Variants in RBM26 observed in about 807,000 individuals in gnomAD.
RBM26 encodes RNA binding motif protein 26.
In RBM26, 30 loss-of-function variants were observed where a neutral mutation model predicts 123.6. The observed-to-expected ratio is 0.24, with a 90% CI of 0.18 to 0.33. The LOEUF is 0.33. RBM26 is among the 10% of genes least tolerant of loss of function. RBM26 has a pLI of 1.00. For missense variants in RBM26, 947 were observed against 1,203.6 expected (o/e 0.79, Z 3.15); for synonymous variants, 400 against 404.4 (o/e 0.99, Z 0.13).
At chr13:79,322,493 A>C in intron 20 of RBM26, 31 bp from the exon 21 acceptor site, 1 of 1,430,504 alleles carries the variant, frequency 7.0e-7, no homozygotes, top group Non-Finnish European at 9.4e-7. Context: ...GGAATATAAG[A>C]CATTAAAAAT....
chr13:79,336,958 A>T, intron 19 of RBM26, 144 bp downstream of exon 19: 2 of 776,520 alleles, frequency 2.6e-6, no homozygotes, highest in South Asian at 1.9e-5. Context: ...TTTTTAAATT[A>T]ACAAAAAAAT....
intron 1 of RBM26, among the ~76,000 whole-genome samples, chr13:79,393,595 G>A (rs949997425): frequency 2.6e-5 from 4 of 152,082 alleles, no homozygotes; most frequent in South Asian, 4.2e-4. Flanking sequence ...TACCATCTTC[G>A]GCTGGAGACA....
intron 1 of RBM26, among the ~76,000 whole-genome samples, chr13:79,383,784 G>A (rs2077257699): frequency 6.6e-6 from 1 of 152,124 alleles, no homozygotes; most frequent in South Asian, 2.1e-4. Flanking sequence ...TGTAAAGGAG[G>A]AGAAAGGAAG....
chr13:79,373,375 T>A (rs2076221875), intron 3 of RBM26, among the ~76,000 whole-genome samples: 1 of 102,428 alleles, frequency 9.8e-6, no homozygotes, highest in South Asian at 2.5e-4. Context: ...ATATAATATA[T>A]ATTATATATA....
chr13:79,375,868 C>T (rs1487406060), intron 3 of RBM26, among the ~76,000 whole-genome samples: 1 of 151,714 alleles, frequency 6.6e-6, no homozygotes, highest in Non-Finnish European at 1.5e-5. Context: ...AAAAAGGTCA[C>T]AACATCAACA....
intron 13 of RBM26, 47 bp from the exon 14 acceptor site, chr13:79,353,271 A>G (rs1384240236): frequency 8.9e-7 from 1 of 1,124,510 alleles, no homozygotes; most frequent in Non-Finnish European, 1.3e-6. Context: ...CAAACATATA[A>G]AAGTCTGTTG....
intron 1 of RBM26, among the ~76,000 whole-genome samples, chr13:79,396,870 G>A (rs2078613579): frequency 6.6e-6 from 1 of 152,176 alleles, no homozygotes; most frequent in Admixed American, 6.5e-5. Flanking sequence ...AAATCTGTAT[G>A]ATCGTCTCAA....
chr13:79,375,475 T>C (rs535546628), intron 3 of RBM26, among the ~76,000 whole-genome samples: 97 of 152,088 alleles, frequency 6.4e-4, no homozygotes, highest in African/African-American at 2.3e-3. Context: ...CCAGCCAAAG[T>C]ATAATTTTTC....
rs866561002 is a variant in RBM26, at chr13:79,383,208, C to A, written c.72-4301G>T. 2.0e-5 allele frequency among the ~76,000 whole-genome samples: 3 copies of A among 151,980 alleles called. No homozygotes were observed. In the South Asian group the frequency reaches 6.2e-4, roughly 31 times the overall value. On this transcript the variant is annotated intron_variant, in intron 1 of 21. Coordinates refer to ENST00000438737, the MANE Select transcript of RBM26 (RefSeq NM_001366735.2). ...CAGCTCTTGGCAAATAAGCACTGGACTGGATAGTAAATCCCACACAAGTAT... is the reference window on the plus strand; with the variant it reads ...CAGCTCTTGGCAAATAAGCACTGGAATGGATAGTAAATCCCACACAAGTAT...
intron 14 of RBM26, among the ~76,000 whole-genome samples, chr13:79,348,741 T>C (rs996197358): frequency 6.6e-5 from 10 of 152,174 alleles, no homozygotes; most frequent in East Asian, 1.9e-4. Context: ...TTTATGATAT[T>C]CACTTAAAGC....
chr13:79,347,083 C>A (rs1379237855), intron 14 of RBM26, among the ~76,000 whole-genome samples: 1 of 152,200 alleles, frequency 6.6e-6, no homozygotes, highest in African/African-American at 2.4e-5. Context: ...CTTTTCAAAT[C>A]ATTTTTGACA....
intron 1 of RBM26, among the ~76,000 whole-genome samples, chr13:79,390,641 T>C (rs1465772760): frequency 6.6e-6 from 1 of 152,198 alleles, no homozygotes; most frequent in Admixed American, 6.5e-5. Flanking sequence ...ATGCATGCTT[T>C]AGGGGTAAGT....
chr13:79,320,585 A>G lies in RBM26; in HGVS notation c.*36T>C, dbSNP rs946484250. On this transcript the variant is annotated 3_prime_UTR_variant, in exon 22 of 22. Transcript: ENST00000438737. ...TAGATAATACTAATGAAACACAGGT[A>G]GAGTTCTAGCATATGCAGATCAATG... The G allele has an allele frequency of 7.2e-6, 11 of 1,521,538 alleles. No homozygotes were observed. The highest frequency in any genetic ancestry group is 4.2e-5 in the African/African-American group (3 of 70,794). The allele number at this position is 1,521,538 out of a possible 1,614,324, so 94.3% of individuals were successfully genotyped here.
rs951572414 is a variant in RBM26, at chr13:79,367,010, A to T, written c.896-138T>A. 55 of 669,972 alleles carry T rather than the reference A, an allele frequency of 8.2e-5. No individual in the cohort carries two copies. The Admixed American group carries it at 1.4e-3, about 17-fold the overall frequency. 41.5% of individuals were successfully genotyped at this position (669,972 alleles called of 1,614,324 possible). Reference sequence around the variant, plus strand: ...AAAGTATAATTAACCATTTCCCAAGAGCTACCTGATCTTCTCCAGTAATAT... The same window carrying T: ...AAAGTATAATTAACCATTTCCCAAGTGCTACCTGATCTTCTCCAGTAATAT... On this transcript the variant is annotated intron_variant, in intron 6 of 21. Coordinates refer to ENST00000438737, the MANE Select transcript of RBM26 (RefSeq NM_001366735.2).
In RBM26 at chr13:79,392,521, TTA is replaced by T. The variant is rs945138578; in HGVS notation, c.71+13181_71+13182del. The stretch of plus-strand genomic sequence containing the variant: ...ATATTCTAATATATTAGTTATATAA[TTA>T]TATGTTATATATTATATATAAACAT... On this transcript the variant is annotated intron_variant, in intron 1 of 21. Coordinates refer to ENST00000438737, the MANE Select transcript of RBM26 (RefSeq NM_001366735.2). Among the ~76,000 whole-genome samples the T allele has an allele frequency of 9.6e-5, 14 of 146,590 alleles. 1 individual carries two copies. In the South Asian group the frequency reaches 1.7e-3, roughly 18 times the overall value.
chr13:79,326,569 G>GTACCAAAC (rs1228292934), intron 20 of RBM26, among the ~76,000 whole-genome samples: 1 of 152,050 alleles, frequency 6.6e-6, no homozygotes, highest in Non-Finnish European at 1.5e-5. Flanking sequence ...AACTACCAAA[G>GTACCAAAC]TACCAAACTA....
chr13:79,382,421 CT>C (rs1278713705), intron 1 of RBM26, among the ~76,000 whole-genome samples: 1 of 151,988 alleles, frequency 6.6e-6, no homozygotes, highest in African/African-American at 2.4e-5. Context: ...CTGAAATTGC[CT>C]TATAGATCGG....
rs151210542 is a variant in RBM26 at position 79,368,615 on chromosome 13, C to T, written c.895+115G>A. Reference sequence around the variant, plus strand: ...TGAGGAATTCAAAAAGTGACTAAGGCTAATTTCCCACTTTTCAGAGGTAAG... The same window carrying T: ...TGAGGAATTCAAAAAGTGACTAAGGTTAATTTCCCACTTTTCAGAGGTAAG... On this transcript the variant is annotated intron_variant, in intron 6 of 21. Coordinates refer to ENST00000438737, the MANE Select transcript of RBM26 (RefSeq NM_001366735.2). 51 of 977,486 alleles carry T rather than the reference C, an allele frequency of 5.2e-5. No individual in the cohort carries two copies. The African/African-American group carries it at 7.0e-4, about 13-fold the overall frequency. 60.6% of individuals were successfully genotyped at this position (977,486 alleles called of 1,614,324 possible).
chr13:79,376,507 T>C (rs2076681364), intron 3 of RBM26: 1 of 152,180 alleles, frequency 6.6e-6, no homozygotes, highest in Admixed American at 6.5e-5. Context: ...CCTGGCCAAA[T>C]TATAATCTTT....
Sources: allele counts gnomAD v4.1 joint callset (sites outside exome capture counted in the v4.1 genomes callset), GRCh38; gene constraint gnomAD v4.1.1; transcripts MANE v1.5; gene names NCBI Gene and HGNC (gene_info 2026-07-23, HGNC 2026-07-21).